The following SCGN variants were observed in gnomAD, a reference collection of about 807,000 sequenced individuals.
SCGN encodes secretagogin, EF-hand calcium binding protein.
A neutral mutation model predicts 39.7 loss-of-function variants in SCGN; 30 were observed. The observed-to-expected ratio is 0.76, with a 90% CI of 0.57 to 1.03. The LOEUF (loss-of-function observed/expected upper bound fraction) is 1.03, where lower values mean the gene tolerates loss of function less well. Ranked by LOEUF, SCGN falls within the 50% of genes least tolerant of loss-of-function variation. The pLI is 0.00. For synonymous variants in SCGN, 106 were observed against 114.1 expected (o/e 0.93, Z 0.45); for missense variants, 353 against 349.4 (o/e 1.01, Z -0.08).
chr6:25,676,512 T>C (rs1074706), intron 6 of SCGN, among the ~76,000 whole-genome samples: 124,007 of 152,222 alleles, frequency 0.81, 50,752 homozygotes, highest in African/African-American at 0.88. Context: ...TGCCACAGGT[T>C]CTTTGCACTT....
chr6:25,681,802 T>G, intron 6 of SCGN, 149 bp from the exon 7 acceptor site: 1 of 660,394 alleles, frequency 1.5e-6, no homozygotes, highest in South Asian at 1.7e-5. Flanking sequence ...ATTCCTTCTG[T>G]GACAAATACT....
At chr6:25,663,110 T>A (rs1057414510) in intron 3 of SCGN, among the ~76,000 whole-genome samples, 3 of 152,228 alleles carry the variant, frequency 2.0e-5, no homozygotes, top group African/African-American at 7.2e-5. Flanking sequence ...CAAGACTGCA[T>A]CGTTCCCAAG....
In SCGN at chr6:25,680,887, G is replaced by A. The variant is rs569795633; in HGVS notation, c.472-1064G>A. 5.3e-5 allele frequency among the ~76,000 whole-genome samples: 8 copies of A among 152,322 alleles called. No individual in the cohort carries two copies. The South Asian group carries it at 1.2e-3, about 24-fold the overall frequency. On this transcript the variant is annotated intron_variant, in intron 6 of 10. Coordinates refer to ENST00000377961, the MANE Select transcript of SCGN (RefSeq NM_006998.4). ...ATATTAAAAATAAACTGGATTTGGA[G>A]ACAGAGGAAGGATGGGGGACTAATG...
At chr6:25,697,294 G>A (rs1398849141) in intron 10 of SCGN, among the ~76,000 whole-genome samples, 1 of 152,178 alleles carries the variant, frequency 6.6e-6, no homozygotes, top group Non-Finnish European at 1.5e-5. Flanking sequence ...ACACCAGTGT[G>A]GCCAATAAAT....
At chr6:25,655,476 C>A (rs1760211038) in intron 2 of SCGN, among the ~76,000 whole-genome samples, 1 of 152,156 alleles carries the variant, frequency 6.6e-6, no homozygotes, top group African/African-American at 2.4e-5. Flanking sequence ...CTATCTCAGA[C>A]CTGGTCCATG....
At chr6:25,659,901 A>G (rs1420092800) in intron 2 of SCGN, among the ~76,000 whole-genome samples, 3 of 152,136 alleles carry the variant, frequency 2.0e-5, no homozygotes, top group Non-Finnish European at 2.9e-5. Context: ...TGACAGCCTG[A>G]TGGGAAGAGG....
At chr6:25,660,830 G>A (rs935146549) in intron 2 of SCGN, among the ~76,000 whole-genome samples, 4 of 152,218 alleles carry the variant, frequency 2.6e-5, no homozygotes, top group Admixed American at 6.5e-5. Flanking sequence ...GTATTAGGGA[G>A]AATGAGTTTA....
chr6:25,659,685 TAG>T (rs1474578989), intron 2 of SCGN, among the ~76,000 whole-genome samples: 2 of 152,204 alleles, frequency 1.3e-5, no homozygotes, highest in African/African-American at 2.4e-5. Flanking sequence ...ATCTGGAAGG[TAG>T]AGAGTTTGTA....
intron 10 of SCGN, among the ~76,000 whole-genome samples, chr6:25,691,768 G>C (rs1313079551): frequency 6.6e-6 from 1 of 152,150 alleles, no homozygotes; most frequent in Non-Finnish European, 1.5e-5. Flanking sequence ...AATGAATTTA[G>C]TAGTCTTGTA....
chr6:25,681,717 C>T lies in SCGN; in HGVS notation c.472-234C>T, dbSNP rs145958549. On this transcript the variant is annotated intron_variant, in intron 6 of 10. Transcript: ENST00000377961. ...CCAGCTAACCCTGTGAAAAATAAAC[C>T]TGTGTTGTGTTAAGCCACTGAGATT... is the stretch of plus-strand genomic sequence containing the variant. Among the ~76,000 whole-genome samples, 329 of 152,258 alleles carry T rather than the reference C, an allele frequency of 2.2e-3. 1 individual carries two copies. The highest frequency in any genetic ancestry group is 4.1e-3 in the Non-Finnish European group (277 of 68,026).
chr6:25,687,623 A>G (rs1759722227), intron 7 of SCGN, among the ~76,000 whole-genome samples: 1 of 152,126 alleles, frequency 6.6e-6, no homozygotes, highest in Non-Finnish European at 1.5e-5. Flanking sequence ...TATCATCTAT[A>G]AAGAGATAGT....
intron 7 of SCGN, among the ~76,000 whole-genome samples, chr6:25,684,639 C>CA (rs929305983): frequency 1.1e-4 from 16 of 152,052 alleles, no homozygotes; most frequent in East Asian, 3.9e-4. Flanking sequence ...ACTAAAAATA[C>CA]AAAAAATAAA....
chr6:25,680,554 A>T (rs138675270), intron 6 of SCGN, among the ~76,000 whole-genome samples: 6 of 152,360 alleles, frequency 3.9e-5, no homozygotes, highest in African/African-American at 1.4e-4. Context: ...AAGTTTGCAC[A>T]GCAATGGAGT....
intron 4 of SCGN, among the ~76,000 whole-genome samples, chr6:25,666,871 A>G (rs971413465): frequency 6.6e-6 from 1 of 152,188 alleles, no homozygotes; most frequent in Non-Finnish European, 1.5e-5. Flanking sequence ...AATTCTGTAT[A>G]AAGTCATAAT....
chr6:25,681,979 G>A lies in SCGN; in HGVS notation c.500G>A (p.Gly167Asp). 1.2e-6 allele frequency: 2 copies of A among 1,613,710 alleles called. No homozygotes were observed. Among genetic ancestry groups the A allele is most frequent in the South Asian group, 1.1e-5 (1 of 91,078 alleles). Reference sequence around the variant, plus strand: ...AAGATTTTTGACAGAAATAAAGATGGTCGGTTGGATCTAAATGACTTAGCA... The same window carrying A: ...AAGATTTTTGACAGAAATAAAGATGATCGGTTGGATCTAAATGACTTAGCA... ...MMKIFDRNKD[G>D]RLDLNDLARI... The change falls in exon 7 of 11, where the codon GGT becomes GAT. Residue 167 changes from glycine (G) to aspartate (D), a missense_variant. Gly to Asp is a moderately conservative substitution (Grantham distance 94). Coordinates refer to ENST00000377961, the MANE Select transcript of SCGN (RefSeq NM_006998.4).
intron 10 of SCGN, among the ~76,000 whole-genome samples, chr6:25,698,452 C>G (rs1582591742): frequency 1.3e-5 from 2 of 152,196 alleles, no homozygotes; most frequent in African/African-American, 4.8e-5. Flanking sequence ...ATGACTACCA[C>G]TTGAGTATTT....
At chr6:25,695,265 C>T (rs527738287) in intron 10 of SCGN, among the ~76,000 whole-genome samples, 13 of 152,194 alleles carry the variant, frequency 8.5e-5, no homozygotes, top group African/African-American at 3.1e-4. Flanking sequence ...CTTAAAAAAG[C>T]ACTGTATATA....
intron 6 of SCGN, among the ~76,000 whole-genome samples, chr6:25,675,490 T>C (rs901937315): frequency 2.6e-5 from 4 of 152,268 alleles, no homozygotes; most frequent in Non-Finnish European, 5.9e-5. Flanking sequence ...CCACTCCCTT[T>C]TGTAAAGTGT....
intron 6 of SCGN, chr6:25,678,803 G>C (rs1454754096): frequency 1.3e-5 from 2 of 153,508 alleles, no homozygotes; most frequent in African/African-American, 2.4e-5. Context: ...GTGTCTCAGT[G>C]GTTGCCTTGC....
Sources: gnomAD v4.1 joint callset for allele counts (sites outside exome capture counted in the v4.1 genomes callset) on GRCh38, gnomAD v4.1.1 for gene constraint, MANE v1.5 for transcripts, NCBI Gene and HGNC (gene_info 2026-07-23, HGNC 2026-07-21) for gene names.